AK7: variants seen among roughly 807,000 people sequenced by gnomAD.
AK7 encodes ATP-AMP transphosphorylase 7.
In AK7, 78 loss-of-function variants were observed where a neutral mutation model predicts 96.6. The ratio of observed to expected loss-of-function variants is 0.81; its 90% CI spans 0.67 to 0.97. AK7 has a LOEUF of 0.97. AK7 is among the 50% of genes least tolerant of loss of function. AK7 has a pLI of 0.00. For missense variants in AK7, 855 were observed against 887.9 expected, an observed-to-expected ratio of 0.96 and a Z score of 0.47; for synonymous variants, 302 against 317.2, an observed-to-expected ratio of 0.95 and a Z score of 0.51.
intron 8 of AK7, 62 bp downstream of exon 8, chr14:96,446,669 G>T (rs190341157): frequency 6.8e-7 from 1 of 1,460,906 alleles, no homozygotes; most frequent in East Asian, 2.3e-5. Flanking sequence ...GGCTGGGCGC[G>T]GTGGCTCATG....
chr14:96,423,821 C>T, intron 5 of AK7: 1 of 769,942 alleles, frequency 1.3e-6, no homozygotes, highest in Non-Finnish European at 2.4e-6. Flanking sequence ...GAATTTGCCA[C>T]GGTGGTCTCC....
intron 7 of AK7, among the ~76,000 whole-genome samples, chr14:96,445,009 C>T (rs112504919): frequency 0.33 from 50,163 of 152,146 alleles, 8,610 homozygotes; most frequent in South Asian, 0.4. Flanking sequence ...TGAGCCACCA[C>T]GCCCAGCCCC....
intron 12 of AK7, among the ~76,000 whole-genome samples, chr14:96,459,706 G>A (rs1006396778): frequency 2.0e-5 from 3 of 151,320 alleles, no homozygotes; most frequent in Admixed American, 6.6e-5. Flanking sequence ...GATGAAACCC[G>A]TCTCTACTAA....
intron 2 of AK7, among the ~76,000 whole-genome samples, chr14:96,403,397 G>A (rs1566759655): frequency 1.3e-5 from 2 of 152,054 alleles, no homozygotes; most frequent in South Asian, 4.1e-4. Context: ...CTTGATCCTG[G>A]GTTTTTAGCT....
intron 12 of AK7, among the ~76,000 whole-genome samples, chr14:96,464,732 A>G (rs180909461): frequency 2.0e-4 from 30 of 152,278 alleles, no homozygotes; most frequent in Middle Eastern, 3.4e-3. Flanking sequence ...AGCAAAACCT[A>G]TTCTTAAACT....
At chr14:96,398,388 A>C in intron 2 of AK7, 125 bp downstream of exon 2, 1 of 986,876 alleles carries the variant, frequency 1.0e-6, no homozygotes, top group Non-Finnish European at 1.5e-6. Flanking sequence ...GGCCAGGTTG[A>C]GGGAATGGCT....
At chr14:96,451,069 C>T (rs576777358) in intron 9 of AK7, among the ~76,000 whole-genome samples, 2 of 152,176 alleles carry the variant, frequency 1.3e-5, no homozygotes, top group African/African-American at 4.8e-5. Context: ...CCACGGCACT[C>T]GGCGGGAATA....
At chr14:96,407,718 A>G (rs542189792) in intron 3 of AK7, among the ~76,000 whole-genome samples, 1 of 151,396 alleles carries the variant, frequency 6.6e-6, no homozygotes, top group East Asian at 2.0e-4. Flanking sequence ...AGTAGCTGGG[A>G]CTACAGATGC....
chr14:96,450,857 T>C (rs1407109354), intron 9 of AK7, among the ~76,000 whole-genome samples: 2 of 149,064 alleles, frequency 1.3e-5, no homozygotes, highest in Admixed American at 1.4e-4. Flanking sequence ...TCACTGCAAG[T>C]TCCACCTCCC....
At chr14:96,476,904 G>GT (rs1895217562) in intron 14 of AK7, among the ~76,000 whole-genome samples, 1 of 152,188 alleles carries the variant, frequency 6.6e-6, no homozygotes, top group South Asian at 2.1e-4. Flanking sequence ...TCTAACAAAT[G>GT]AGTATCATGT....
chr14:96,412,213 C>CCTTT (rs1397349622), intron 4 of AK7, among the ~76,000 whole-genome samples: 1 of 139,180 alleles, frequency 7.2e-6, no homozygotes, highest in Non-Finnish European at 1.5e-5. Context: ...GTACTTTCTT[C>CCTTT]CTTTCTTTCT....
chr14:96,458,004 A>G, intron 11 of AK7, 79 bp from the exon 12 acceptor site: 1 of 1,561,250 alleles, frequency 6.4e-7, no homozygotes, highest in Non-Finnish European at 8.7e-7. Context: ...AGCTTTTTCC[A>G]GGATCACCTG....
Position 96,483,040 on chromosome 14 carries a change from A to G in AK7, c.1795A>G (p.Lys599Glu). The G allele has an allele frequency of 6.2e-7, 1 of 1,614,218 alleles. No individual in the cohort carries two copies. The highest frequency in any genetic ancestry group is 1.3e-5 in the African/African-American group (1 of 75,070). ...AGATGCTCAGAATAGACTTGCTATC[A>G]AACAGCTCATCAAAGAGATTGGGGA... The part of the protein sequence containing the change: ...LEDAQNRLAI[K>E]QLIKEIGEPR... The change falls in exon 16 of 18, where the codon AAA becomes GAA. Residue 599 changes from lysine (K) to glutamate (E), a missense_variant. Transcript: ENST00000267584.
In AK7 at chr14:96,486,906, A is replaced by T; in HGVS notation, c.1983A>T (p.Arg661=). The T allele has an allele frequency of 1.2e-6, 2 of 1,613,682 alleles. No homozygotes were observed. The highest frequency in any genetic ancestry group is 1.7e-6 in the Non-Finnish European group (2 of 1,179,794). The change falls in exon 17 of 18, where the codon CGA becomes CGT. Residue 661 remains arginine, a synonymous_variant. Coordinates refer to ENST00000267584, the MANE Select transcript of AK7 (RefSeq NM_152327.5). ...KIARWEEWNK[R]LEEVKREERE... Reference sequence around the variant, plus strand: ...CAAATATTCTATTTTAGAATAAACGACTGGAGGAAGTGAAAAGAGAAGAAA... The same window carrying T: ...CAAATATTCTATTTTAGAATAAACGTCTGGAGGAAGTGAAAAGAGAAGAAA...
chr14:96,459,523 G>A (rs1894138424), intron 12 of AK7, among the ~76,000 whole-genome samples: 1 of 151,968 alleles, frequency 6.6e-6, no homozygotes, highest in Non-Finnish European at 1.5e-5. Context: ...TATATAAAAT[G>A]TTCAGGCAAA....
rs779848455 is a variant in AK7 at position 96,398,080 on chromosome 14, A to C, written c.111A>C (p.Leu37=). The change falls in exon 2 of 18, where the codon CTA becomes CTC. Residue 37 remains leucine (L), a synonymous_variant. Coordinates refer to ENST00000267584, the MANE Select transcript of AK7 (RefSeq NM_152327.5). The part of the protein sequence containing the change: ...SYSSGNIGKF[L]SNCVVGASLE... ...AAATTTCTGTTTCCTTGCAGTTTCT[A>C]TCTAACTGTGTAGTTGGGGCTTCGC... 2 of 1,613,852 alleles carry C rather than the reference A, an allele frequency of 1.2e-6. No homozygotes were observed. The highest frequency in any genetic ancestry group is 2.2e-5 in the South Asian group (2 of 91,060).
At chr14:96,402,185 G>GCACACACACACACACA (rs34222287) in intron 2 of AK7, among the ~76,000 whole-genome samples, 2 of 146,156 alleles carry the variant, frequency 1.4e-5, no homozygotes, top group Non-Finnish European at 3.0e-5. Context: ...ATACACAGAT[G>GCACACACACACACACA]CACACACACA....
At chr14:96,463,318 C>T (rs539316871) in intron 12 of AK7, among the ~76,000 whole-genome samples, 33 of 152,274 alleles carry the variant, frequency 2.2e-4, no homozygotes, top group African/African-American at 7.9e-4. Context: ...GAAGAATGCA[C>T]TTGGAAGTCA....
chr14:96,396,194 A>C (rs190862169), intron 1 of AK7, among the ~76,000 whole-genome samples: 1 of 152,342 alleles, frequency 6.6e-6, no homozygotes, highest in East Asian at 1.9e-4. Flanking sequence ...GGCATGAGCC[A>C]CCACGCTCTG....
Sources: allele counts gnomAD v4.1 joint callset (sites outside exome capture counted in the v4.1 genomes callset), GRCh38; gene constraint gnomAD v4.1.1; transcripts MANE v1.5; gene names NCBI Gene and HGNC (gene_info 2026-07-23, HGNC 2026-07-21).